The following PID1 variants were observed in gnomAD, a reference collection of about 807,000 sequenced individuals.
The protein encoded by PID1 is PTB-containing, cubilin and LRP1-interacting protein.
A neutral mutation model predicts 19.1 loss-of-function variants in PID1; 10 were observed. The ratio of observed to expected loss-of-function variants is 0.52; its 90% CI spans 0.32 to 0.89. The LOEUF (loss-of-function observed/expected upper bound fraction) is 0.89. PID1 is among the 40% of genes least tolerant of loss of function. PID1 has a pLI of 0.03. For synonymous variants in PID1, 130 were observed against 116.0 expected, an observed-to-expected ratio of 1.12 and a Z score of -0.78; for missense variants, 248 against 285.3, an observed-to-expected ratio of 0.87 and a Z score of 0.94.
intron 1 of PID1, chr2:229,231,904 A>C: frequency 1.3e-6 from 2 of 1,550,280 alleles, no homozygotes; most frequent in South Asian, 2.4e-5. Flanking sequence ...TTATAAAAAA[A>C]AACAGAAATT....
At chr2:229,202,333 T>C (rs1160272894) in intron 1 of PID1, among the ~76,000 whole-genome samples, 1 of 152,074 alleles carries the variant, frequency 6.6e-6, no homozygotes, top group African/African-American at 2.4e-5. Context: ...TTTTATTCAC[T>C]CCTCTCATTG....
At chr2:229,032,805 T>C (rs1210153046) in intron 2 of PID1, among the ~76,000 whole-genome samples, 1 of 152,168 alleles carries the variant, frequency 6.6e-6, no homozygotes, top group African/African-American at 2.4e-5. Flanking sequence ...ACACAGACAT[T>C]TGCAGTGTGT....
chr2:229,227,190 C>T (rs1393976935), intron 1 of PID1, among the ~76,000 whole-genome samples: 1 of 152,214 alleles, frequency 6.6e-6, no homozygotes, highest in Non-Finnish European at 1.5e-5. Context: ...GATGATCAAA[C>T]TTATATTGCC....
At position 229,155,846 on chromosome 2, in the gene PID1, A is replaced by C; in HGVS notation, c.149T>G (p.Met50Arg). 6.2e-7 allele frequency: 1 copy of C among 1,613,350 alleles called. No homozygotes were observed. The change falls in exon 2 of 3, where the codon ATG becomes AGG. Residue 50 changes from methionine (M) to arginine (R), a missense_variant. Transcript: ENST00000392055. ...AIELCTTTPL[M>R]KTRTHSGCKV... Reference sequence around the variant, plus strand: ...GCAGCCACTGTGAGTCCTTGTCTTCATCAGCGGTGTGGTCGTGCACAGCTC... The same window carrying C: ...GCAGCCACTGTGAGTCCTTGTCTTCCTCAGCGGTGTGGTCGTGCACAGCTC...
At chr2:229,149,962 G>C (rs904820100) in intron 2 of PID1, among the ~76,000 whole-genome samples, 11 of 152,176 alleles carry the variant, frequency 7.2e-5, no homozygotes, top group Admixed American at 7.2e-4. Context: ...CATTCTGGCT[G>C]GGTGGTGGCT....
intron 2 of PID1, among the ~76,000 whole-genome samples, chr2:229,113,318 T>A (rs1695335680): frequency 6.6e-6 from 1 of 150,858 alleles, no homozygotes; most frequent in Non-Finnish European, 1.5e-5. Flanking sequence ...TATGTAACCA[T>A]CACAGTAACT....
chr2:229,166,831 C>T (rs187197394), intron 1 of PID1, among the ~76,000 whole-genome samples: 3 of 152,070 alleles, frequency 2.0e-5, no homozygotes, highest in Admixed American at 6.6e-5. Flanking sequence ...GTCGGATGAA[C>T]GCTGGGAATA....
At chr2:229,089,482 ACGC>A (rs1283029333) in intron 2 of PID1, among the ~76,000 whole-genome samples, 1 of 152,144 alleles carries the variant, frequency 6.6e-6, no homozygotes, top group African/African-American at 2.4e-5. Flanking sequence ...TGATCCCTAG[ACGC>A]CGCCATTTCC....
chr2:229,051,609 G>T (rs1204529820), intron 2 of PID1, among the ~76,000 whole-genome samples: 1 of 152,118 alleles, frequency 6.6e-6, no homozygotes, highest in Non-Finnish European at 1.5e-5. Flanking sequence ...AAATGCTGGG[G>T]TTATGGGCAT....
intron 1 of PID1, among the ~76,000 whole-genome samples, chr2:229,183,068 G>A (rs931793622): frequency 6.6e-6 from 1 of 152,220 alleles, no homozygotes; most frequent in Non-Finnish European, 1.5e-5. Flanking sequence ...CTTTGCACAT[G>A]TAATCAAGTT....
chr2:229,249,657 A>G (rs1690099750), intron 1 of PID1, among the ~76,000 whole-genome samples: 1 of 152,208 alleles, frequency 6.6e-6, no homozygotes, highest in African/African-American at 2.4e-5. Flanking sequence ...CTGAAGCAGA[A>G]GAACAAACTG....
At chr2:229,138,365 A>T (rs1392931735) in intron 2 of PID1, among the ~76,000 whole-genome samples, 1 of 152,076 alleles carries the variant, frequency 6.6e-6, no homozygotes, top group Non-Finnish European at 1.5e-5. Flanking sequence ...CATCACCAAA[A>T]TCTGATTGAA....
At chr2:229,031,451 G>A (rs888873504) in intron 2 of PID1, among the ~76,000 whole-genome samples, 9 of 151,960 alleles carry the variant, frequency 5.9e-5, no homozygotes, top group Non-Finnish European at 1.3e-4. Flanking sequence ...CAGCTACTCA[G>A]GAGGCTGAGC....
intron 1 of PID1, among the ~76,000 whole-genome samples, chr2:229,186,560 C>G (rs1245236425): frequency 6.6e-6 from 1 of 152,222 alleles, no homozygotes; most frequent in African/African-American, 2.4e-5. Context: ...TATGTTGGCC[C>G]CTTTCAGTCA....
chr2:229,039,077 C>T (rs187942819), intron 2 of PID1, among the ~76,000 whole-genome samples: 9 of 152,266 alleles, frequency 5.9e-5, no homozygotes, highest in Middle Eastern at 3.4e-3. Context: ...AGGTATCTTC[C>T]GTGCCGATTT....
At chr2:229,163,827 A>G (rs1408248861) in intron 1 of PID1, among the ~76,000 whole-genome samples, 1 of 152,100 alleles carries the variant, frequency 6.6e-6, no homozygotes, top group African/African-American at 2.4e-5. Context: ...GTAAACAGTT[A>G]TTTTTCCATT....
At chr2:229,191,602 A>G (rs1691261327) in intron 1 of PID1, among the ~76,000 whole-genome samples, 1 of 152,224 alleles carries the variant, frequency 6.6e-6, no homozygotes, top group Non-Finnish European at 1.5e-5. Context: ...GTATTTTTCA[A>G]TCCACTCACA....
intron 2 of PID1, among the ~76,000 whole-genome samples, chr2:229,072,700 T>A (rs1225012282): frequency 6.6e-6 from 1 of 152,228 alleles, no homozygotes; most frequent in Non-Finnish European, 1.5e-5. Flanking sequence ...ATTAAAAACA[T>A]GTATTGTTAC....
intron 1 of PID1, among the ~76,000 whole-genome samples, chr2:229,222,699 T>C (rs1242684979): frequency 6.6e-6 from 1 of 152,194 alleles, no homozygotes; most frequent in Non-Finnish European, 1.5e-5. Flanking sequence ...AGGAAAGAAT[T>C]ACTGTCTCCA....
Sources: gnomAD v4.1 joint callset for allele counts (sites outside exome capture counted in the v4.1 genomes callset) on GRCh38, gnomAD v4.1.1 for gene constraint, MANE v1.5 for transcripts, NCBI Gene and HGNC (gene_info 2026-07-23, HGNC 2026-07-21) for gene names.